IFT74: variants seen among roughly 807,000 people sequenced by gnomAD.
IFT74 encodes the protein intraflagellar transport 74, also known as intraflagellar transport protein 74 homolog.
A neutral mutation model predicts 96.7 loss-of-function variants in IFT74; 92 were observed. The observed-to-expected ratio is 0.95, with a 90% confidence interval of 0.80 to 1.13. The LOEUF (loss-of-function observed/expected upper bound fraction) is 1.13. Among genes scored for constraint, IFT74 ranks in the 50% most tolerant of loss-of-function variants. The probability of loss-of-function intolerance (pLI) is 0.00; values close to 1 mark genes in which losing one functional copy is unlikely to be tolerated. For missense variants in IFT74, 811 were observed against 698.2 expected, an observed-to-expected ratio of 1.16 and a Z score of -1.82; for synonymous variants, 223 against 213.2, an observed-to-expected ratio of 1.05 and a Z score of -0.40.
At chr9:27,034,140 A>G (rs1002445857) in intron 13 of IFT74, among the ~76,000 whole-genome samples, 1 of 152,366 alleles carries the variant, frequency 6.6e-6, no homozygotes, top group Non-Finnish European at 1.5e-5. Context: ...TTACTCACCA[A>G]AAATGATTAC....
At chr9:27,000,045 G>T (rs1236764287) in intron 8 of IFT74, among the ~76,000 whole-genome samples, 1 of 152,096 alleles carries the variant, frequency 6.6e-6, no homozygotes, top group Non-Finnish European at 1.5e-5. Flanking sequence ...CTTGAAAAGT[G>T]CTGGGATTAT....
Position 27,029,069 on chromosome 9 carries a change from T to G in IFT74, c.1019T>G (p.Ile340Ser), listed in dbSNP as rs1830003019. The G allele has an allele frequency of 4.4e-6, 7 of 1,602,496 alleles. No individual in the cohort carries two copies. Among genetic ancestry groups the G allele is most frequent in the Non-Finnish European group, 6.0e-6 (7 of 1,174,448 alleles). ...AAGATAAATCAGTTTATTGAAGAAA[T>G]TAGACAACTTGACATGGATTTAGAG... ...KEKINQFIEE[I>S]RQLDMDLEEH... is the part of the protein sequence containing the mutation. The change falls in exon 13 of 20, where the codon ATT becomes AGT. Residue 340 changes from isoleucine (I) to serine (S), a missense_variant. Physicochemically the swap from Ile to Ser is moderately radical, Grantham distance 142. Coordinates refer to ENST00000380062, the MANE Select transcript of IFT74 (RefSeq NM_025103.4).
At chr9:26,998,041 A>G (rs371939450) in intron 8 of IFT74, 7 of 1,613,642 alleles carry the variant, frequency 4.3e-6, no homozygotes, top group Non-Finnish European at 5.9e-6. Context: ...TGGAGAGGTT[A>G]CCAAAACCGT....
chr9:27,008,866 G>A (rs1255539911), intron 8 of IFT74, among the ~76,000 whole-genome samples, 154 bp from the exon 9 acceptor site: 1 of 152,094 alleles, frequency 6.6e-6, no homozygotes, highest in African/African-American at 2.4e-5. Flanking sequence ...AGGTCAAATA[G>A]CATTTTTTAG....
rs113334397 is a variant in IFT74 at position 27,006,018 on chromosome 9, A to G, written c.588-3002A>G. 8.6e-5 allele frequency among the ~76,000 whole-genome samples: 13 copies of G among 151,748 alleles called. 2 individuals carry two copies. The highest frequency in any genetic ancestry group is 3.1e-4 in the African/African-American group (13 of 41,358). On this transcript the variant is annotated intron_variant, in intron 8 of 19. Transcript: ENST00000380062. ...GGCACTGCACCTGGCTAATTTTTGT[A>G]TTTTTAGTAGAGATGCGGTTTCACC...
In IFT74 at chr9:26,988,702, G is replaced by C. The variant is rs1278633118; in HGVS notation, c.499G>C (p.Glu167Gln). ...VDKLNTNTEM[E>Q]EVMNDYNMLK... is the part of the protein sequence containing the mutation. The stretch of plus-strand genomic sequence containing the variant: ...TAAACTTAATACCAACACTGAAATG[G>C]AAGAAGTAATGAATGATTACAATAT... Residue 167 changes from glutamate to glutamine, a missense_variant, in exon 7 of 20, where the codon GAA becomes CAA. Coordinates refer to ENST00000380062, the MANE Select transcript of IFT74 (RefSeq NM_025103.4). 6.5e-7 allele frequency: 1 copy of C among 1,544,148 alleles called. No homozygotes were observed. The highest frequency in any genetic ancestry group is 8.8e-7 in the Non-Finnish European group (1 of 1,132,092).
chr9:27,010,501 T>C (rs1189320093), intron 9 of IFT74, among the ~76,000 whole-genome samples: 6 of 149,950 alleles, frequency 4.0e-5, no homozygotes, highest in Admixed American at 1.3e-4. Context: ...TTTTTTTTGT[T>C]TTTTTTGAGA....
chr9:27,012,190 C>T (rs1300873694), intron 10 of IFT74, among the ~76,000 whole-genome samples: 4 of 152,042 alleles, frequency 2.6e-5, no homozygotes, highest in African/African-American at 9.7e-5. Flanking sequence ...ATCATTCCGC[C>T]CTACCTAGGA....
intron 13 of IFT74, chr9:27,036,677 T>C: frequency 3.0e-6 from 4 of 1,328,252 alleles, no homozygotes; most frequent in Non-Finnish European, 3.8e-6. Flanking sequence ...CACTCTTTGC[T>C]TCTGTGAAAA....
In IFT74 at chr9:26,995,514, A is replaced by G. The variant is rs377007727; in HGVS notation, c.587+5319A>G. 226 of 1,501,670 alleles carry G rather than the reference A, an allele frequency of 1.5e-4. No homozygotes were observed. In the African/African-American group the frequency reaches 2.8e-3, roughly 19 times the overall value. The allele number at this position is 1,501,670 out of a possible 1,614,324, so 93.0% of individuals were successfully genotyped here. A position where few individuals can be genotyped will look rare whatever the true frequency, so the allele number is the denominator to read the frequency against. Reference sequence around the variant, plus strand: ...ACTTTGCTTTAAAAAGCAAACTTTGAAAGAAATTAATTTTCTTCACATAAT... The same window carrying G: ...ACTTTGCTTTAAAAAGCAAACTTTGGAAGAAATTAATTTTCTTCACATAAT... On this transcript the variant is annotated intron_variant, in intron 8 of 19. Transcript: ENST00000380062.
chr9:26,988,112 C>T (rs1827711780), intron 6 of IFT74, among the ~76,000 whole-genome samples: 1 of 151,956 alleles, frequency 6.6e-6, no homozygotes, highest in African/African-American at 2.4e-5. Flanking sequence ...GCCACCACAC[C>T]CGGCTAATTT....
intron 6 of IFT74, 57 bp from the exon 7 acceptor site, chr9:26,988,612 A>G: frequency 2.8e-6 from 4 of 1,416,278 alleles, no homozygotes; most frequent in East Asian, 4.8e-5. Context: ...TTAATTATAG[A>G]GAACATGTGT....
At position 27,016,946 on chromosome 9, in the gene IFT74, C is replaced by G. The variant is rs1427151060; in HGVS notation, c.829C>G (p.Leu277Val). The change falls in exon 11 of 20, where the codon CTG becomes GTG. Residue 277 changes from leucine (L) to valine (V), a missense_variant. Physicochemically the swap from Leu to Val is conservative, Grantham distance 32. Coordinates refer to ENST00000380062, the MANE Select transcript of IFT74 (RefSeq NM_025103.4). ...CCAGGTGAAACAGGAGGCGGTATTG[C>G]TGCATGAAAAACTTTATGAGTTGGA... The part of the protein sequence containing the change: ...HSQVKQEAVL[L>V]HEKLYELESH... 1.2e-6 allele frequency: 2 copies of G among 1,609,052 alleles called. No homozygotes were observed. The highest frequency in any genetic ancestry group is 2.7e-5 in the African/African-American group (2 of 74,734).
At chr9:27,047,224 T>C (rs1819730423) in intron 14 of IFT74, 50 bp from the exon 15 acceptor site, 2 of 1,066,200 alleles carry the variant, frequency 1.9e-6, no homozygotes, top group Middle Eastern at 2.1e-4. Flanking sequence ...AGAGTTTATA[T>C]AGTGTTAACT....
rs1444907880 is a variant in IFT74, at chr9:27,065,171, TA to T, written c.*2436del. Among the ~76,000 whole-genome samples the T allele has an allele frequency of 6.6e-6, 1 of 152,190 alleles. No individual in the cohort carries two copies. Among genetic ancestry groups the T allele is most frequent in the Non-Finnish European group, 1.5e-5 (1 of 68,002 alleles). On this transcript the variant is annotated 3_prime_UTR_variant, in exon 20 of 20. Coordinates refer to ENST00000380062, the MANE Select transcript of IFT74 (RefSeq NM_025103.4). ...AAGGCTTTCAATTTCCATCCTAATT[TA>T]TTCATATGTAATATTGGTGGGGGGC... is the stretch of plus-strand genomic sequence containing the variant.
intron 15 of IFT74, 67 bp downstream of exon 15, chr9:27,047,438 T>A: frequency 6.7e-6 from 6 of 899,132 alleles, no homozygotes; most frequent in Admixed American, 2.5e-5. Flanking sequence ...CAAATACAAC[T>A]CAAAAAATAG....
chr9:27,064,332 A>T lies in IFT74; in HGVS notation c.*1596A>T, dbSNP rs1810763510. 6.6e-6 allele frequency among the ~76,000 whole-genome samples: 1 copy of T among 152,046 alleles called. No homozygotes were observed. Among genetic ancestry groups the T allele is most frequent in the Non-Finnish European group, 1.5e-5 (1 of 67,956 alleles). On this transcript the variant is annotated 3_prime_UTR_variant, in exon 20 of 20. Coordinates refer to ENST00000380062, the MANE Select transcript of IFT74 (RefSeq NM_025103.4). ...ATGCTGTGATTGTATGGGGTTTTCT[A>T]TTGGAAATTGGTAGCAGAAAGTGCT...
At chr9:27,011,536 C>A (rs1335896561) in intron 9 of IFT74, among the ~76,000 whole-genome samples, 1 of 151,904 alleles carries the variant, frequency 6.6e-6, no homozygotes, top group Non-Finnish European at 1.5e-5. Context: ...AAATAATAAT[C>A]TTAAACAATG....
chr9:27,000,939 CTT>C (rs561778168), intron 8 of IFT74, among the ~76,000 whole-genome samples: 1 of 152,116 alleles, frequency 6.6e-6, no homozygotes, highest in Non-Finnish European at 1.5e-5. Flanking sequence ...CATTAATAAA[CTT>C]TTCTGCATTC....
Sources: gnomAD v4.1 joint callset for allele counts (sites outside exome capture counted in the v4.1 genomes callset) on GRCh38, gnomAD v4.1.1 for gene constraint, MANE v1.5 for transcripts, NCBI Gene and HGNC (gene_info 2026-07-23, HGNC 2026-07-21) for gene names.